Variants in CHD5 observed in about 807,000 individuals in gnomAD.
The protein encoded by CHD5 is ATP-dependent chromatin remodeler CHD5.
In CHD5, 69 loss-of-function variants were observed where a neutral mutation model predicts 230.3. That is an observed-to-expected ratio of 0.30 (90% CI 0.25 to 0.37). CHD5 has a LOEUF of 0.37. Ranked by LOEUF, CHD5 falls within the 10% of genes least tolerant of loss-of-function variation. CHD5 has a pLI of 1.00. For synonymous variants in CHD5, 1,064 were observed against 1,065.9 expected (o/e 1.00, Z 0.03); for missense variants, 1,827 against 2,622.8 (o/e 0.70, Z 6.63).
Position 6,180,249 on chromosome 1 carries a change from CCA to C in CHD5, c.-228_-227del, listed in dbSNP as rs565693099. ...TCCCCGCAAAGCCCGGGCGCTCCTCCCACCGCGCCCCGCAGCCCGAGTCCCGC... is the reference window on the plus strand; with the variant it reads ...TCCCCGCAAAGCCCGGGCGCTCCTCCCCGCGCCCCGCAGCCCGAGTCCCGC... On this transcript the variant is annotated 5_prime_UTR_variant, in exon 1 of 42. Coordinates refer to ENST00000262450, the MANE Select transcript of CHD5 (RefSeq NM_015557.3). 2.3e-4 allele frequency: 42 copies of C among 181,942 alleles called. No homozygotes were observed. In the South Asian group the frequency reaches 7.9e-3, roughly 34 times the overall value. 11.3% of individuals were successfully genotyped at this position (181,942 alleles called of 1,614,324 possible).
intron 5 of CHD5, among the ~76,000 whole-genome samples, chr1:6,153,503 G>A (rs1224719829): frequency 1.3e-5 from 2 of 152,178 alleles, no homozygotes; most frequent in African/African-American, 4.8e-5. Flanking sequence ...CTGAAAGAAG[G>A]GATCCCCGGA....
In CHD5 at chr1:6,124,671, G is replaced by GC. The variant is rs759007803; in HGVS notation, c.4395-11_4395-10insG. 16 of 1,297,394 alleles carry GC rather than the reference G, an allele frequency of 1.2e-5. No homozygotes were observed. The South Asian group carries it at 1.7e-4, about 14-fold the overall frequency. 80.4% of individuals were successfully genotyped at this position (1,297,394 alleles called of 1,614,324 possible). ...GAGGGACACATAGGCTCTGGGGTGG[G>GC]GGGGGGGGACTGGGGCTCAGGGAGT... On this transcript the variant is annotated splice_polypyrimidine_tract_variant and intron_variant, in intron 29 of 41. Coordinates refer to ENST00000262450, the MANE Select transcript of CHD5 (RefSeq NM_015557.3).
Position 6,151,181 on chromosome 1 carries a change from A to G in CHD5, c.871-26T>C, listed in dbSNP as rs1252140192. 11 of 1,587,886 alleles carry G rather than the reference A, an allele frequency of 6.9e-6. No individual in the cohort carries two copies. In the East Asian group the frequency reaches 2.5e-4, roughly 36 times the overall value. ...CTGCAGGGGAAGACAGGGTCCTGTG[A>G]TCCCAGGGCTTCACCCAGAAGGCTT... is the stretch of plus-strand genomic sequence containing the variant. On this transcript the variant is annotated intron_variant, in intron 6 of 41. Transcript: ENST00000262450.
At chr1:6,113,514 C>A (rs1011494778) in intron 33 of CHD5, 3 of 247,162 alleles carry the variant, frequency 1.2e-5, no homozygotes, top group South Asian at 4.6e-5. Context: ...GGTGAGGAAG[C>A]AGGAGCTGGT....
At chr1:6,174,964 GTGGA>G (rs1667399823) in intron 1 of CHD5, among the ~76,000 whole-genome samples, 1 of 135,030 alleles carries the variant, frequency 7.4e-6, no homozygotes, top group South Asian at 2.3e-4. Context: ...TGGATGGATG[GTGGA>G]TGAAGGATGG....
At position 6,169,583 on chromosome 1, in the gene CHD5, C is replaced by G. The variant is rs535261512; in HGVS notation, c.80-1306G>C. ...AAATCAGGATAGAGAAAAGGAGTTC[C>G]CACGCACCAGATATGAGCTGTGGAG... is the stretch of plus-strand genomic sequence containing the variant. On this transcript the variant is annotated intron_variant, in intron 1 of 41. Transcript: ENST00000262450. Among the ~76,000 whole-genome samples the G allele has an allele frequency of 4.8e-3, 729 of 152,338 alleles. 6 individuals are homozygous for G. Among genetic ancestry groups the G allele is most frequent in the African/African-American group, 0.016 (678 of 41,576 alleles).
Position 6,136,024 on chromosome 1 carries a change from C to CA in CHD5, c.2696+492dup, listed in dbSNP as rs1178454401. Among the ~76,000 whole-genome samples the CA allele has an allele frequency of 4.4e-5, 5 of 114,776 alleles. No homozygotes were observed. The Admixed American group carries it at 4.5e-4, about 10-fold the overall frequency. 75.3% of individuals were successfully genotyped at this position (114,776 alleles called of 152,430 possible). On this transcript the variant is annotated intron_variant, in intron 17 of 41. Transcript: ENST00000262450. Reference sequence around the variant, plus strand: ...GACTCTTTCTTTTAATAAAAAAAAACAACAAAAAAAAAAAACACTGCATCT... The same window carrying CA: ...GACTCTTTCTTTTAATAAAAAAAAACAAACAAAAAAAAAAAACACTGCATCT...
rs777123802 is a variant in CHD5 at position 6,146,630 on chromosome 1, C to T, written c.1590+35G>A. The T allele has an allele frequency of 3.1e-6, 5 of 1,605,764 alleles. No individual in the cohort carries two copies. In the South Asian group the frequency reaches 4.4e-5, roughly 14 times the overall value. On this transcript the variant is annotated intron_variant, in intron 10 of 41. Transcript: ENST00000262450. This position sits in a 1 kb window ranked among gnomAD's most constrained non-coding sequence, Gnocchi z 5.1. Reference sequence around the variant, plus strand: ...GGAGGGTCCAGGGCTCACCAGGTCCCGGGCCTTAGCACAGCCACCCTCCCG... The same window carrying T: ...GGAGGGTCCAGGGCTCACCAGGTCCTGGGCCTTAGCACAGCCACCCTCCCG...
chr1:6,150,979 G>GC (rs1666998122), intron 7 of CHD5, 53 bp downstream of exon 7: 1 of 1,451,516 alleles, frequency 6.9e-7, no homozygotes, highest in African/African-American at 1.4e-5. Context: ...TCCTACTCGT[G>GC]CCCCACTACA....
Position 6,105,255 on chromosome 1 carries a change from C to G in CHD5, c.*219G>C, listed in dbSNP as rs1666143373. The G allele has an allele frequency of 2.7e-6, 1 of 374,768 alleles. No individual in the cohort carries two copies. The highest frequency in any genetic ancestry group is 2.1e-5 in the African/African-American group (1 of 46,672). The allele number at this position is 374,768 out of a possible 1,614,324, so 23.2% of individuals were successfully genotyped here. A position where few individuals can be genotyped will look rare whatever the true frequency, so the allele number is the denominator to read the frequency against. On this transcript the variant is annotated 3_prime_UTR_variant, in exon 42 of 42. Transcript: ENST00000262450. This position sits in a 1 kb window ranked among gnomAD's most constrained non-coding sequence, Gnocchi z 4.8. ...GGGGGCAACGCTGTGTGGAAGAACA[C>G]TTGAATTATGATGAGGTGGCACTTC...
In CHD5 at chr1:6,126,096, AG is replaced by A. The variant is rs1321748724; in HGVS notation, c.4079-239del. 6.6e-6 allele frequency among the ~76,000 whole-genome samples: 1 copy of A among 152,174 alleles called. No individual in the cohort carries two copies. The highest frequency in any genetic ancestry group is 1.9e-4 in the East Asian group (1 of 5,178). ...ATACTGTGTGCAAGGGACGTGCCCA[AG>A]GCCACGTCACGAGCAGTGGTGAAGT... On this transcript the variant is annotated intron_variant, in intron 26 of 41. Coordinates refer to ENST00000262450, the MANE Select transcript of CHD5 (RefSeq NM_015557.3). The surrounding 1 kb of genome is among the most constrained non-coding windows in gnomAD (Gnocchi z 5.7).
Position 6,142,218 on chromosome 1 carries a change from C to G in CHD5, c.2346G>C (p.Gly782=). ...GAATCACCGAGCGGCTCTCCTTGTC[C>G]CCCGTGTAGGTGACCACGTAGAAGT... ...APDFYVVTYT[G]DKESRSVIRE... is the part of the protein sequence containing the mutation. The change falls in exon 15 of 42, where the codon GGG becomes GGC. Residue 782 remains glycine (G), a synonymous_variant. Coordinates refer to ENST00000262450, the MANE Select transcript of CHD5 (RefSeq NM_015557.3). The surrounding 1 kb of genome is among the most constrained non-coding windows in gnomAD (Gnocchi z 5.2). 1.2e-6 allele frequency: 2 copies of G among 1,614,212 alleles called. No homozygotes were observed. The highest frequency in any genetic ancestry group is 1.7e-6 in the Non-Finnish European group (2 of 1,180,024).
chr1:6,101,963 G>A lies in CHD5; in HGVS notation c.*3511C>T, dbSNP rs1054860028. On this transcript the variant is annotated 3_prime_UTR_variant, in exon 42 of 42. Coordinates refer to ENST00000262450, the MANE Select transcript of CHD5 (RefSeq NM_015557.3). ...TCCAAAGCTGGACCCGCCCCCGCCG[G>A]GGCCACCCTGGCTGGGACTCCTGGC... The A allele has an allele frequency of 1.4e-5, 6 of 420,336 alleles. No individual in the cohort carries two copies. The highest frequency in any genetic ancestry group is 4.3e-5 in the African/African-American group (2 of 46,404). The allele number at this position is 420,336 out of a possible 1,614,324, so 26.0% of individuals were successfully genotyped here.
At chr1:6,136,442 A>T in intron 17 of CHD5, 75 bp downstream of exon 17, 1 of 1,546,162 alleles carries the variant, frequency 6.5e-7, no homozygotes, top group Non-Finnish European at 8.8e-7. Flanking sequence ...CACAGCCAGG[A>T]TGGGCTATTG....
At chr1:6,170,693 A>T (rs889173731) in intron 1 of CHD5, among the ~76,000 whole-genome samples, 2 of 152,208 alleles carry the variant, frequency 1.3e-5, no homozygotes, top group African/African-American at 2.4e-5. Flanking sequence ...TGAGGCCCCA[A>T]GCAGCCAGGG....
intron 3 of CHD5, among the ~76,000 whole-genome samples, chr1:6,157,131 T>G (rs888091546): frequency 1.3e-5 from 2 of 152,212 alleles, no homozygotes; most frequent in Non-Finnish European, 2.9e-5. Context: ...ACCCCACTTC[T>G]TCCAAGCAGC....
In CHD5 at chr1:6,136,807, T is replaced by G; in HGVS notation, c.2495A>C (p.Asp832Ala). The change falls in exon 16 of 42, where the codon GAC (aspartate) becomes GCC (alanine). Residue 832 changes from aspartate to alanine, a missense_variant. This residue lies in a region of CHD5 where 80 missense variants were observed against 96.4 expected (regional missense o/e 0.83). Coordinates refer to ENST00000262450, the MANE Select transcript of CHD5 (RefSeq NM_015557.3). ...CTCGATGGAGCCCAGGATGGCCTGG[T>G]CAATGGTGATGAGCTCATAGGAGGT... ...LLTSYELITI[D>A]QAILGSIEWA... is the part of the protein sequence containing the mutation. 6.2e-7 allele frequency: 1 copy of G among 1,613,836 alleles called. No homozygotes were observed. The highest frequency in any genetic ancestry group is 8.5e-7 in the Non-Finnish European group (1 of 1,179,820).
chr1:6,158,101 T>C (rs1446223803), intron 3 of CHD5, among the ~76,000 whole-genome samples: 2 of 152,244 alleles, frequency 1.3e-5, no homozygotes, highest in African/African-American at 4.8e-5. Flanking sequence ...ACAGTGTTCC[T>C]GAATGGCACT....
At chr1:6,108,461 TGGAAGGATGGA>T (rs548149055) in intron 38 of CHD5, among the ~76,000 whole-genome samples, 58 of 98,532 alleles carry the variant, frequency 5.9e-4, no homozygotes, top group Non-Finnish European at 1.0e-3. Flanking sequence ...GGGATGGGGG[TGGAAGGATGGA>T]GGGAGAATGG....
Sources: allele counts gnomAD v4.1 joint callset (sites outside exome capture counted in the v4.1 genomes callset), GRCh38; gene constraint gnomAD v4.1.1; regional missense constraint gnomAD v4.1.1; non-coding constraint Gnocchi (gnomAD v3.1); transcripts MANE v1.5; gene names NCBI Gene and HGNC (gene_info 2026-07-23, HGNC 2026-07-21).